Variants in IL34 observed in about 807,000 individuals in gnomAD.
The protein encoded by IL34 is interleukin-34.
In IL34, 17 loss-of-function variants were observed where a neutral mutation model predicts 25.3. The observed-to-expected ratio is 0.67, with a 90% CI of 0.46 to 1.01. IL34 has a LOEUF of 1.01. Among genes scored for constraint, IL34 ranks in the 50% least tolerant of loss-of-function variants. The pLI is 0.00. For synonymous variants in IL34, 174 were observed against 140.9 expected (o/e 1.23, Z -1.66); for missense variants, 368 against 312.9 (o/e 1.18, Z -1.33).
intron 1 of IL34, among the ~76,000 whole-genome samples, chr16:70,585,017 A>G (rs1356792146): frequency 6.6e-6 from 1 of 151,994 alleles, no homozygotes; most frequent in Non-Finnish European, 1.5e-5. Flanking sequence ...ATTATTTTTA[A>G]GGTTAAGAAA....
rs368458029 is a variant in IL34 at position 70,622,396 on chromosome 16, C to T, written c.-400-24152C>T. ...GAATAATCCCTGAGGAGTAGTAGAA[C>T]AGCAGATGGAACACCGAGAAGTTAT... On this transcript the variant is annotated intron_variant, in intron 1 of 6. Coordinates refer to the IL34 transcript ENST00000429149. Among the ~76,000 whole-genome samples, 32 of 151,906 alleles carry T rather than the reference C, an allele frequency of 2.1e-4. No individual in the cohort carries two copies. The East Asian group carries it at 3.7e-3, about 17-fold the overall frequency.
At chr16:70,632,977 A>ATT (rs34252759) in intron 1 of IL34, among the ~76,000 whole-genome samples, 11 of 151,354 alleles carry the variant, frequency 7.3e-5, no homozygotes, top group South Asian at 4.2e-4. Flanking sequence ...ATCAGGACAT[A>ATT]TTTTTTTTTG....
At chr16:70,636,866 G>T (rs1477116257) in intron 1 of IL34, among the ~76,000 whole-genome samples, 2 of 152,006 alleles carry the variant, frequency 1.3e-5, no homozygotes, top group Non-Finnish European at 2.9e-5. Flanking sequence ...AGCACCTATT[G>T]CCCCTTCCCT....
intron 1 of IL34, among the ~76,000 whole-genome samples, chr16:70,638,075 A>G (rs1052372426): frequency 6.6e-6 from 1 of 152,186 alleles, no homozygotes; most frequent in African/African-American, 2.4e-5. Flanking sequence ...GTCTTTCTCC[A>G]TACTACAAAT....
chr16:70,592,928 C>T (rs1044116954), intron 1 of IL34, among the ~76,000 whole-genome samples: 1 of 152,200 alleles, frequency 6.6e-6, no homozygotes, highest in African/African-American at 2.4e-5. Flanking sequence ...ACTGGGATTA[C>T]AGGCGTGAGC....
In IL34 at chr16:70,650,250, C is replaced by G. The variant is rs140154088; in HGVS notation, c.28+3275C>G. On this transcript the variant is annotated intron_variant, in intron 1 of 5. Coordinates refer to ENST00000288098, the MANE Select transcript of IL34 (RefSeq NM_001393494.1). ...TGGGGCTGTGCTGTCCCTGCCTGGT[C>G]CCTGTTTGTTAACCTGTTTCTCTGG... is the stretch of plus-strand genomic sequence containing the variant. Among the ~76,000 whole-genome samples the G allele has an allele frequency of 6.6e-5, 10 of 152,142 alleles. No homozygotes were observed. In the East Asian group the frequency reaches 1.4e-3, roughly 21 times the overall value.
At chr16:70,595,508 G>A (rs1263931175) in intron 1 of IL34, among the ~76,000 whole-genome samples, 1 of 151,646 alleles carries the variant, frequency 6.6e-6, no homozygotes, top group African/African-American at 2.4e-5. Context: ...AATAGTGATG[G>A]GTTCTCACTT....
chr16:70,583,036 A>C (rs1265398626), intron 1 of IL34, among the ~76,000 whole-genome samples: 1 of 152,184 alleles, frequency 6.6e-6, no homozygotes, highest in Non-Finnish European at 1.5e-5. Context: ...GGGAGGTGGT[A>C]GGGATACGAT....
chr16:70,617,380 A>T (rs2051189035), intron 1 of IL34, among the ~76,000 whole-genome samples: 1 of 152,186 alleles, frequency 6.6e-6, no homozygotes, highest in Non-Finnish European at 1.5e-5. Flanking sequence ...GATGGCTTGG[A>T]GAAACTGTGT....
Position 70,636,589 on chromosome 16 carries a change from A to T in IL34, c.-400-9959A>T, listed in dbSNP as rs1335204763. Among the ~76,000 whole-genome samples, 17 of 38,210 alleles carry T rather than the reference A, an allele frequency of 4.4e-4. No homozygotes were observed. In the East Asian group the frequency reaches 6.0e-3, roughly 14 times the overall value. The allele number at this position is 38,210 out of a possible 152,430, so 25.1% of individuals were successfully genotyped here. ...TGGACAACATAGCAAACCCTGTCAC[A>T]CACACACACACACACACACACACAC... is the stretch of plus-strand genomic sequence containing the variant. On this transcript the variant is annotated intron_variant, in intron 1 of 6. Transcript: ENST00000429149.
At chr16:70,600,111 T>A (rs2050893870) in intron 1 of IL34, among the ~76,000 whole-genome samples, 1 of 152,202 alleles carries the variant, frequency 6.6e-6, no homozygotes, top group South Asian at 2.1e-4. Context: ...GAGTGTCTGC[T>A]ATGTGAGCTT....
At chr16:70,633,872 A>G (rs776370138) in intron 1 of IL34, among the ~76,000 whole-genome samples, 47 of 150,376 alleles carry the variant, frequency 3.1e-4, no homozygotes, top group Non-Finnish European at 5.3e-4. Flanking sequence ...TTTTTTTGAG[A>G]CAGAGTCTCG....
chr16:70,603,928 A>G (rs2050958740), intron 1 of IL34, among the ~76,000 whole-genome samples: 2 of 151,950 alleles, frequency 1.3e-5, no homozygotes, highest in African/African-American at 2.4e-5. Flanking sequence ...ACATACCACA[A>G]TTTTTTCCCT....
At chr16:70,609,718 G>A (rs1165351565) in intron 1 of IL34, among the ~76,000 whole-genome samples, 1 of 152,116 alleles carries the variant, frequency 6.6e-6, no homozygotes, top group Admixed American at 6.5e-5. Context: ...TCCTGCCTTG[G>A]TTTCAATTTG....
chr16:70,643,874 C>G (rs1011748844), upstream of IL34, among the ~76,000 whole-genome samples: 1 of 152,092 alleles, frequency 6.6e-6, no homozygotes. Flanking sequence ...TTTTAAAAAT[C>G]CCTACATGCT....
chr16:70,588,199 G>A (rs74507246), intron 1 of IL34, among the ~76,000 whole-genome samples: 13,476 of 151,818 alleles, frequency 0.089, 1,401 homozygotes, highest in African/African-American at 0.23. Flanking sequence ...AAATTAACAA[G>A]TAGAGGCCGG....
intron 4 of IL34, among the ~76,000 whole-genome samples, chr16:70,658,832 C>T (rs1180323660): frequency 6.6e-6 from 1 of 152,212 alleles, no homozygotes; most frequent in Non-Finnish European, 1.5e-5. Flanking sequence ...CTTACAAGGA[C>T]ATCAGGCATT....
intron 1 of IL34, among the ~76,000 whole-genome samples, chr16:70,647,333 AG>A (rs1567462789): frequency 6.6e-6 from 1 of 151,974 alleles, no homozygotes; most frequent in East Asian, 1.9e-4. Context: ...TGGCCGGTGG[AG>A]GGGGGCAGGG....
chr16:70,657,519 C>T (rs142250948), intron 4 of IL34, among the ~76,000 whole-genome samples: 10 of 152,206 alleles, frequency 6.6e-5, no homozygotes, highest in South Asian at 4.1e-4. Context: ...GCAGGCCGGG[C>T]GCGGCGGCTC....
Sources: gnomAD v4.1 joint callset for allele counts (sites outside exome capture counted in the v4.1 genomes callset) on GRCh38, gnomAD v4.1.1 for gene constraint, MANE v1.5 for transcripts, NCBI Gene and HGNC (gene_info 2026-07-23, HGNC 2026-07-21) for gene names.